Variants in USH2A observed in about 807,000 individuals in gnomAD.
USH2A encodes the protein usherin.
Under a neutral mutation model 538.9 loss-of-function variants are expected in USH2A, and 443 were observed. The observed-to-expected ratio is 0.82, with a 90% CI of 0.76 to 0.89. USH2A has a LOEUF of 0.89. Among genes scored for constraint, USH2A ranks in the 40% least tolerant of loss-of-function variants. USH2A has a pLI of 0.00. For missense variants in USH2A, 6,633 were observed against 6,324.8 expected (o/e 1.05, Z -1.65); for synonymous variants, 2,413 against 2,273.5 (o/e 1.06, Z -1.75).
intron 4 of USH2A, among the ~76,000 whole-genome samples, chr1:216,339,430 T>G (rs1013511626): frequency 2.6e-5 from 4 of 151,780 alleles, no homozygotes; most frequent in Non-Finnish European, 5.9e-5. Context: ...TTTTTCAATC[T>G]AATAATAAAA....
chr1:216,122,846 T>C (rs1392030267), intron 21 of USH2A, among the ~76,000 whole-genome samples: 1 of 152,190 alleles, frequency 6.6e-6, no homozygotes, highest in Non-Finnish European at 1.5e-5. Flanking sequence ...TTTCCCATCC[T>C]ATTGCTATAC....
intron 60 of USH2A, among the ~76,000 whole-genome samples, chr1:215,738,350 C>T (rs1189581866): frequency 6.6e-6 from 1 of 152,076 alleles, no homozygotes. Flanking sequence ...CTTTACAAAA[C>T]TTTTTGTAGC....
At chr1:215,945,158 T>C (rs1403245568) in intron 37 of USH2A, among the ~76,000 whole-genome samples, 1 of 152,156 alleles carries the variant, frequency 6.6e-6, no homozygotes, top group African/African-American at 2.4e-5. Flanking sequence ...GATCATAAGA[T>C]ATAAATTTGT....
At chr1:216,314,916 A>G (rs913395574) in intron 9 of USH2A, among the ~76,000 whole-genome samples, 13 of 152,336 alleles carry the variant, frequency 8.5e-5, no homozygotes, top group African/African-American at 3.1e-4. Flanking sequence ...TAAGTAGCCA[A>G]TGAAGTGCCA....
intron 21 of USH2A, among the ~76,000 whole-genome samples, chr1:216,119,865 C>G (rs899438116): frequency 2.8e-4 from 42 of 152,140 alleles, no homozygotes; most frequent in African/African-American, 9.4e-4. Context: ...TATAGACATC[C>G]CTAGGTTGAA....
chr1:215,820,687 T>G (rs1459382365), intron 47 of USH2A, among the ~76,000 whole-genome samples: 1 of 151,756 alleles, frequency 6.6e-6, no homozygotes, highest in Non-Finnish European at 1.5e-5. Flanking sequence ...GTCTTATCTC[T>G]TCATTGAAAC....
chr1:216,351,936 T>C (rs1305044634), intron 4 of USH2A, among the ~76,000 whole-genome samples: 1 of 152,094 alleles, frequency 6.6e-6, no homozygotes, highest in Admixed American at 6.6e-5. Context: ...TGCCTTCACT[T>C]GTGATGAGGA....
At chr1:216,051,659 T>A (rs2030789220) in intron 30 of USH2A, among the ~76,000 whole-genome samples, 1 of 152,196 alleles carries the variant, frequency 6.6e-6, no homozygotes, top group African/African-American at 2.4e-5. Flanking sequence ...ATGGGGCATA[T>A]GTGAAAAGCA....
intron 27 of USH2A, among the ~76,000 whole-genome samples, chr1:216,074,154 C>T (rs961358192): frequency 1.3e-5 from 2 of 152,120 alleles, no homozygotes; most frequent in Non-Finnish European, 2.9e-5. Context: ...TTTTGTTAGA[C>T]AGCAAACAAA....
At chr1:216,321,602 A>G (rs2037611259) in intron 9 of USH2A, among the ~76,000 whole-genome samples, 1 of 152,168 alleles carries the variant, frequency 6.6e-6, no homozygotes, top group African/African-American at 2.4e-5. Context: ...ATAAAACATG[A>G]TAATGCTGAT....
chr1:216,160,436 G>A (rs937371035), intron 21 of USH2A, among the ~76,000 whole-genome samples: 1 of 151,996 alleles, frequency 6.6e-6, no homozygotes, highest in Non-Finnish European at 1.5e-5. Context: ...TAGATTTGGA[G>A]TTCTAGTTTA....
intron 61 of USH2A, among the ~76,000 whole-genome samples, chr1:215,715,233 G>T (rs1659450650): frequency 6.6e-6 from 1 of 152,152 alleles, no homozygotes; most frequent in Non-Finnish European, 1.5e-5. Flanking sequence ...GTGAGAACAT[G>T]TGGTATTTGG....
intron 37 of USH2A, among the ~76,000 whole-genome samples, chr1:215,961,477 C>T (rs1395312975): frequency 6.6e-6 from 1 of 151,440 alleles, no homozygotes; most frequent in Non-Finnish European, 1.5e-5. Flanking sequence ...CCTGTAAATT[C>T]TGTTCCATCC....
At chr1:215,733,674 A>G (rs1660071823) in intron 60 of USH2A, among the ~76,000 whole-genome samples, 1 of 152,348 alleles carries the variant, frequency 6.6e-6, no homozygotes, top group East Asian at 1.9e-4. Flanking sequence ...TGCAAAAGGG[A>G]GAAATTGGCT....
intron 61 of USH2A, among the ~76,000 whole-genome samples, chr1:215,707,540 T>C: frequency 6.6e-6 from 1 of 152,176 alleles, no homozygotes; most frequent in East Asian, 1.9e-4. Flanking sequence ...TAGGAACAGC[T>C]AAGGAAAGCT....
intron 15 of USH2A, among the ~76,000 whole-genome samples, chr1:216,208,031 A>G (rs867806025): frequency 1.3e-5 from 2 of 152,198 alleles, no homozygotes; most frequent in African/African-American, 2.4e-5. Context: ...AAGATGTAAT[A>G]CAATTGCTTA....
intron 35 of USH2A, among the ~76,000 whole-genome samples, chr1:215,972,559 C>A (rs980004904): frequency 6.6e-6 from 1 of 152,152 alleles, no homozygotes; most frequent in Admixed American, 6.6e-5. Flanking sequence ...TTTTGAATAT[C>A]TGAAATGTTT....
At chr1:216,116,537 AC>A (rs996023105) in intron 21 of USH2A, among the ~76,000 whole-genome samples, 1 of 152,156 alleles carries the variant, frequency 6.6e-6, no homozygotes, top group Non-Finnish European at 1.5e-5. Context: ...CTCTCTAGTA[AC>A]AATCTCAGTG....
intron 37 of USH2A, among the ~76,000 whole-genome samples, chr1:215,955,796 G>T (rs376256841): frequency 6.6e-6 from 1 of 151,932 alleles, no homozygotes; most frequent in South Asian, 2.1e-4. Flanking sequence ...GTTTGATGTG[G>T]GCTGTTCTTG....
Sources: allele counts gnomAD v4.1 joint callset (sites outside exome capture counted in the v4.1 genomes callset), GRCh38; gene constraint gnomAD v4.1.1; transcripts MANE v1.5; gene names NCBI Gene and HGNC (gene_info 2026-07-23, HGNC 2026-07-21).